The following PSTPIP1 variants were observed in gnomAD, a reference collection of about 807,000 sequenced individuals.
PSTPIP1 encodes the protein proline-serine-threonine phosphatase interacting protein 1, also known as proline-serine-threonine phosphatase-interacting protein 1.
In PSTPIP1, 66 loss-of-function variants were observed where a neutral mutation model predicts 69.6. The observed-to-expected ratio is 0.95, with a 90% CI of 0.78 to 1.16. PSTPIP1 has a LOEUF of 1.16. PSTPIP1 is among the 50% of genes most tolerant of loss of function. The pLI, the probability that PSTPIP1 is intolerant of heterozygous loss-of-function variation, is 0.00. For synonymous variants in PSTPIP1, 266 were observed against 222.7 expected, an observed-to-expected ratio of 1.19 and a Z score of -1.73; for missense variants, 603 against 557.4, an observed-to-expected ratio of 1.08 and a Z score of -0.82.
At chr15:77,013,329 G>A (rs2075983197) in intron 1 of PSTPIP1, among the ~76,000 whole-genome samples, 2 of 152,144 alleles carry the variant, frequency 1.3e-5, no homozygotes, top group Admixed American at 6.5e-5. Flanking sequence ...CTCTGATGGG[G>A]AAAAGAGAAC....
At chr15:77,000,478 C>CATAT (rs1568482003) in intron 1 of PSTPIP1, among the ~76,000 whole-genome samples, 2 of 111,940 alleles carry the variant, frequency 1.8e-5, no homozygotes, top group East Asian at 6.3e-4. Flanking sequence ...TATATATATA[C>CATAT]ACACACACAC....
rs143856596 is a variant in PSTPIP1, at chr15:77,010,100, C to T, written c.37-8048C>T. On this transcript the variant is annotated intron_variant, in intron 1 of 14. Transcript: ENST00000558012. ...CTCCATCCTCCCCTGCATCAGTCAC[C>T]CCCAAGGGCCCACGGCCTCCCTTCC... Among the ~76,000 whole-genome samples the T allele has an allele frequency of 2.4e-3, 363 of 152,252 alleles. 1 individual carries two copies. The highest frequency in any genetic ancestry group is 3.7e-3 in the Non-Finnish European group (254 of 68,008).
intron 1 of PSTPIP1, among the ~76,000 whole-genome samples, chr15:77,002,982 G>T (rs557515423): frequency 1.4e-4 from 21 of 152,210 alleles, no homozygotes; most frequent in Non-Finnish European, 2.6e-4. Context: ...CATGGGCAAA[G>T]GTGTGGAAGG....
chr15:77,006,655 T>C (rs1438165951), intron 1 of PSTPIP1, among the ~76,000 whole-genome samples: 2 of 152,198 alleles, frequency 1.3e-5, no homozygotes, highest in African/African-American at 4.8e-5. Context: ...GCTTAATTCT[T>C]TTGCATGTGG....
intron 1 of PSTPIP1, chr15:77,008,108 G>A (rs763533981): frequency 4.0e-5 from 18 of 454,684 alleles, no homozygotes; most frequent in Non-Finnish European, 6.6e-5. Context: ...CAGCACAGAA[G>A]TCTGGATCAG....
At chr15:77,024,203 G>C (rs2076223628) in intron 3 of PSTPIP1, 1 of 152,228 alleles carries the variant, frequency 6.6e-6, no homozygotes, top group South Asian at 2.1e-4. Context: ...CTGAGAATCT[G>C]TATTTCTAAC....
At position 77,035,529 on chromosome 15, in the gene PSTPIP1, A is replaced by G. The variant is rs765346318; in HGVS notation, c.951A>G (p.Gly317=). 3.8e-6 allele frequency: 6 copies of G among 1,592,858 alleles called. No homozygotes were observed. Among genetic ancestry groups the G allele is most frequent in the Non-Finnish European group, 5.1e-6 (6 of 1,170,196 alleles). Residue 317 remains glycine, a synonymous_variant, in exon 13 of 15, where the codon GGA becomes GGG. Transcript: ENST00000558012. ...MIKRFSGLLH[G]SPKTTSLAAS... is the part of the protein sequence containing the mutation. ...CCAGGTTCTCTGGACTGCTGCACGG[A>G]AGTCCCAAGACCACTTCGTTGGCAG...
Position 77,037,228 on chromosome 15 carries a change from CCCCCAGCACTGT to C in PSTPIP1, c.*58_*69del. 6.4e-7 allele frequency: 1 copy of C among 1,550,506 alleles called. No individual in the cohort carries two copies. The highest frequency in any genetic ancestry group is 8.7e-7 in the Non-Finnish European group (1 of 1,148,654). ...TGCCCTGCCAGTGGAGCCAGCAGTGCCCCCAGCACTGTCCCCACCTTGCTAGGGCCCAGAACC... is the reference window on the plus strand; with the variant it reads ...TGCCCTGCCAGTGGAGCCAGCAGTGCCCCCACCTTGCTAGGGCCCAGAACC... On this transcript the variant is annotated 3_prime_UTR_variant, in exon 15 of 15. Transcript: ENST00000558012.
rs747049225 is a variant in PSTPIP1, at chr15:77,031,119, C to T, written c.643-61C>T. The T allele has an allele frequency of 1.0e-5, 15 of 1,501,164 alleles. 2 individuals are homozygous for T. In the South Asian group the frequency reaches 1.0e-4, roughly 10 times the overall value. The allele number at this position is 1,501,164 out of a possible 1,614,324, so 93.0% of individuals were successfully genotyped here. ...GCTCCGGCTGAGCTGTGAATGGGGC[C>T]CAGCCTGGCCGGGCCCTGCAGCCGC... On this transcript the variant is annotated intron_variant, in intron 9 of 14. Transcript: ENST00000558012.
rs1374925715 is a variant in PSTPIP1 at position 77,003,615 on chromosome 15, A to T, written c.36+8006A>T. 3.9e-5 allele frequency among the ~76,000 whole-genome samples: 6 copies of T among 151,940 alleles called. No individual in the cohort carries two copies. The East Asian group carries it at 1.2e-3, about 29-fold the overall frequency. On this transcript the variant is annotated intron_variant, in intron 1 of 14. Transcript: ENST00000558012. Reference sequence around the variant, plus strand: ...AGGTTGCAGTGAGCTGAGGTTTCACAATTGCACTCCAGCCTGGGCAAAAGA... The same window carrying T: ...AGGTTGCAGTGAGCTGAGGTTTCACTATTGCACTCCAGCCTGGGCAAAAGA...
chr15:77,027,921 G>T lies in PSTPIP1; in HGVS notation c.417+7G>T. On this transcript the variant is annotated splice_region_variant and intron_variant, in intron 6 of 14. Transcript: ENST00000558012. The surrounding 1 kb of genome is among the most constrained non-coding windows in gnomAD (Gnocchi z 4.3). ...CTACAAGAAGGCCATGGAGGTGAGC[G>T]CCAGGGCCTGGGGCCGCGGCCTTCC... 2.6e-6 allele frequency: 4 copies of T among 1,554,732 alleles called. No individual in the cohort carries two copies. The highest frequency in any genetic ancestry group is 3.5e-6 in the Non-Finnish European group (4 of 1,148,546).
Position 77,030,451 on chromosome 15 carries a change from G to T in PSTPIP1, c.563-51G>T, listed in dbSNP as rs942684214. 5 of 1,572,564 alleles carry T rather than the reference G, an allele frequency of 3.2e-6. No individual in the cohort carries two copies. The African/African-American group carries it at 6.7e-5, about 21-fold the overall frequency. ...CAGGATGGGACCTGCTGGAGTACAG[G>T]GGTGGAGGAGCTCGTGTCAGGGCCC... On this transcript the variant is annotated intron_variant, in intron 8 of 14. Transcript: ENST00000558012.
intron 14 of PSTPIP1, among the ~76,000 whole-genome samples, chr15:77,036,313 C>T (rs2076572203): frequency 6.6e-6 from 1 of 152,168 alleles, no homozygotes; most frequent in African/African-American, 2.4e-5. Flanking sequence ...GCTGGCAGAG[C>T]CTGGAGCTGC....
Position 77,004,010 on chromosome 15 carries a change from C to G in PSTPIP1, c.36+8401C>G, listed in dbSNP as rs2075767444. On this transcript the variant is annotated intron_variant, in intron 1 of 14. Coordinates refer to ENST00000558012, the MANE Select transcript of PSTPIP1 (RefSeq NM_003978.5). ...GTTCACCATTGCATGTTATACTCCA[C>G]CATTAGAGAATCATTCCTTTGGTTT... is the stretch of plus-strand genomic sequence containing the variant. 2.0e-5 allele frequency among the ~76,000 whole-genome samples: 3 copies of G among 152,216 alleles called. No individual in the cohort carries two copies. In the South Asian group the frequency reaches 6.2e-4, roughly 32 times the overall value.
intron 1 of PSTPIP1, among the ~76,000 whole-genome samples, chr15:77,017,124 T>G (rs149046986): frequency 6.1e-4 from 93 of 152,264 alleles, no homozygotes; most frequent in African/African-American, 2.1e-3. Flanking sequence ...CAAGCTCCCC[T>G]GGAGTAAGCC....
At chr15:77,000,479 A>ATATATATG (rs1568482008) in intron 1 of PSTPIP1, among the ~76,000 whole-genome samples, 3 of 148,862 alleles carry the variant, frequency 2.0e-5, no homozygotes, top group African/African-American at 7.6e-5. Flanking sequence ...ATATATATAC[A>ATATATATG]CACACACACA....
chr15:77,019,119 G>C (rs554913901), intron 3 of PSTPIP1, among the ~76,000 whole-genome samples: 1 of 152,338 alleles, frequency 6.6e-6, no homozygotes, highest in African/African-American at 2.4e-5. Context: ...TCAGGGAAGT[G>C]GCTCTGATGA....
At position 77,025,566 on chromosome 15, in the gene PSTPIP1, G is replaced by A. The variant is rs1141039; in HGVS notation, c.316G>A (p.Glu106Lys). The change falls in exon 5 of 15, where the codon GAG becomes AAG. Residue 106 changes from glutamate (E) to lysine (K), a missense_variant. By Grantham distance (56) the Glu-to-Lys change is moderately conservative. Transcript: ENST00000558012. ...CCTGCGTGAGGAGCTGCGGAGTCTCGAGGAGTTTCGTGAGAGGCAGAAGGA... is the reference window on the plus strand; with the variant it reads ...CCTGCGTGAGGAGCTGCGGAGTCTCAAGGAGTTTCGTGAGAGGCAGAAGGA... ...LTLREELRSL[E>K]EFRERQKEQR... 9 of 1,552,810 alleles carry A rather than the reference G, an allele frequency of 5.8e-6. No homozygotes were observed. Among genetic ancestry groups the A allele is most frequent in the Non-Finnish European group, 7.8e-6 (9 of 1,147,648 alleles).
intron 1 of PSTPIP1, among the ~76,000 whole-genome samples, chr15:77,000,643 T>A (rs1194780894): frequency 6.6e-6 from 1 of 152,206 alleles, no homozygotes; most frequent in Non-Finnish European, 1.5e-5. Flanking sequence ...TGTGTTTGCA[T>A]AAGATTGCCT....
Sources: allele counts gnomAD v4.1 joint callset (sites outside exome capture counted in the v4.1 genomes callset), GRCh38; gene constraint gnomAD v4.1.1; non-coding constraint Gnocchi (gnomAD v3.1); transcripts MANE v1.5; gene names NCBI Gene and HGNC (gene_info 2026-07-23, HGNC 2026-07-21).